EXD2: variants seen among roughly 807,000 people sequenced by gnomAD.
EXD2 encodes the protein exonuclease 3'-5' domain-containing protein 2.
EXD2 carries 40 observed loss-of-function variants against 62.5 expected under a neutral mutation model. The observed-to-expected ratio is 0.64, with a 90% CI of 0.50 to 0.83. The LOEUF (loss-of-function observed/expected upper bound fraction) is 0.83, where lower values mean the gene tolerates loss of function less well. Among genes scored for constraint, EXD2 ranks in the 40% least tolerant of loss-of-function variants. The probability of loss-of-function intolerance (pLI) is 0.00; values close to 1 mark genes in which losing one functional copy is unlikely to be tolerated. For synonymous variants in EXD2, 239 were observed against 291.9 expected (o/e 0.82, Z 1.85); for missense variants, 671 against 761.8 (o/e 0.88, Z 1.40).
chr14:69,236,237 G>A, intron 7 of EXD2, 85 bp downstream of exon 7: 1 of 1,500,934 alleles, frequency 6.7e-7, no homozygotes, highest in South Asian at 1.1e-5. Context: ...GGAAGAGGGA[G>A]GGATAGAAGA....
chr14:69,204,740 G>A (rs78268426), intron 2 of EXD2, among the ~76,000 whole-genome samples: 1 of 152,034 alleles, frequency 6.6e-6, no homozygotes, highest in Non-Finnish European at 1.5e-5. Flanking sequence ...TAACATCAAG[G>A]CTCGATAAGG....
intron 3 of EXD2, among the ~76,000 whole-genome samples, chr14:69,224,973 CAAAAAA>C (rs935037310): frequency 2.0e-5 from 3 of 151,014 alleles, no homozygotes; most frequent in African/African-American, 2.4e-5. Context: ...GACTCCGTCT[CAAAAAA>C]AAAGAATAAA....
intron 3 of EXD2, among the ~76,000 whole-genome samples, chr14:69,212,146 C>T (rs1392125306): frequency 6.6e-6 from 1 of 152,058 alleles, no homozygotes; most frequent in African/African-American, 2.4e-5. Flanking sequence ...GAGGCCGAGG[C>T]GGGCAGATCA....
At chr14:69,223,123 A>AGTC (rs2043240681) in intron 3 of EXD2, among the ~76,000 whole-genome samples, 1 of 152,200 alleles carries the variant, frequency 6.6e-6, no homozygotes, top group Non-Finnish European at 1.5e-5. Context: ...CATGTCTGTG[A>AGTC]GTCAGCAGAT....
At chr14:69,204,177 C>G (rs1028620318) in intron 2 of EXD2, among the ~76,000 whole-genome samples, 177 bp downstream of exon 2, 1 of 152,096 alleles carries the variant, frequency 6.6e-6, no homozygotes, top group South Asian at 2.1e-4. Flanking sequence ...CTAAAGAGCA[C>G]CAGTTTAAAA....
chr14:69,212,104 G>A (rs980657497), intron 3 of EXD2, among the ~76,000 whole-genome samples: 2 of 152,176 alleles, frequency 1.3e-5, no homozygotes, highest in Non-Finnish European at 2.9e-5. Flanking sequence ...GGCTGGGCGC[G>A]GTAGCCCACG....
In EXD2 at chr14:69,221,911, A is replaced by G. The variant is rs2043196979; in HGVS notation, c.334-6905A>G. On this transcript the variant is annotated intron_variant, in intron 3 of 9. Coordinates refer to ENST00000685843, the MANE Select transcript of EXD2 (RefSeq NM_001193360.2). Reference sequence around the variant, plus strand: ...ACATGGTGAAACCCTGTCTCTACTAAAAAAAAAAAAAAAAAAAAAAAAAAA... The same window carrying G: ...ACATGGTGAAACCCTGTCTCTACTAGAAAAAAAAAAAAAAAAAAAAAAAAA... 3.5e-5 allele frequency among the ~76,000 whole-genome samples: 3 copies of G among 84,576 alleles called. No individual in the cohort carries two copies. In the South Asian group the frequency reaches 1.0e-3, roughly 28 times the overall value. 55.5% of individuals were successfully genotyped at this position (84,576 alleles called of 152,430 possible).
Position 69,209,823 on chromosome 14 carries a change from T to TAA in EXD2, c.333+20_333+21insAA. The TAA allele has an allele frequency of 7.8e-7, 1 of 1,276,346 alleles. No individual in the cohort carries two copies. The allele number at this position is 1,276,346 out of a possible 1,614,324, so 79.1% of individuals were successfully genotyped here. On this transcript the variant is annotated intron_variant, in intron 3 of 9. Coordinates refer to ENST00000685843, the MANE Select transcript of EXD2 (RefSeq NM_001193360.2). The stretch of plus-strand genomic sequence containing the variant: ...GAGTGGGTAAGTTAAAAAGCAAAAG[T>TAA]TAAAAAAAAAAAAAAAAAACAACTT...
rs554846655 is a variant in EXD2 at position 69,193,259 on chromosome 14, G to A, written c.-132+1668G>A. On this transcript the variant is annotated intron_variant, in intron 1 of 9. Coordinates refer to ENST00000685843, the MANE Select transcript of EXD2 (RefSeq NM_001193360.2). ...TTTTTAGTAGAGACGGGGTTTCACC[G>A]TATTTGCCAGGCTGGTCTCAAACTC... Among the ~76,000 whole-genome samples, 213 of 152,110 alleles carry A rather than the reference G, an allele frequency of 1.4e-3. 5 individuals carry two copies. The South Asian group carries it at 0.028, about 20-fold the overall frequency.
At chr14:69,233,101 TCCAGTCATC>T (rs1186508038) in intron 5 of EXD2, among the ~76,000 whole-genome samples, 1 of 152,234 alleles carries the variant, frequency 6.6e-6, no homozygotes, top group African/African-American at 2.4e-5. Context: ...CATGTGGACC[TCCAGTCATC>T]CTAGTACCAT....
Position 69,241,089 on chromosome 14 carries a change from C to T in EXD2, c.1855C>T (p.Gln619Ter). ...LRKFGEDLPI[Q>*]LS ...GAAATTCGGGGAAGATCTTCCCATC[C>T]AGCTGTCTTGATAGCTGCTTTCCTC... The change falls in exon 10 of 10, where the codon CAG becomes TAG. Residue 619 changes from glutamine (Q) to a stop codon, truncating the protein, a stop_gained. Transcript: ENST00000685843. LOFTEE classifies it high-confidence loss of function. 6.2e-7 allele frequency: 1 copy of T among 1,612,256 alleles called. No homozygotes were observed. The highest frequency in any genetic ancestry group is 2.2e-5 in the East Asian group (1 of 44,884).
intron 2 of EXD2, 52 bp from the exon 3 acceptor site, chr14:69,209,372 T>C (rs1170049310): frequency 3.0e-6 from 3 of 993,054 alleles, no homozygotes; most frequent in Non-Finnish European, 4.1e-6. Flanking sequence ...AACTTGTTTA[T>C]GTAAAGGTTT....
chr14:69,194,194 A>C (rs1021207081), intron 1 of EXD2, among the ~76,000 whole-genome samples: 1 of 148,706 alleles, frequency 6.7e-6, no homozygotes, highest in Non-Finnish European at 1.5e-5. Context: ...GCTGGAGTGC[A>C]GTGGCGCGAT....
At chr14:69,212,325 C>T (rs1221141932) in intron 3 of EXD2, among the ~76,000 whole-genome samples, 3 of 151,936 alleles carry the variant, frequency 2.0e-5, no homozygotes, top group Admixed American at 6.6e-5. Flanking sequence ...TGCAGTGAGC[C>T]GAGATCACGC....
Position 69,209,493 on chromosome 14 carries a change from C to T in EXD2, c.23C>T (p.Ala8Val), listed in dbSNP as rs1379339947. The T allele has an allele frequency of 2.6e-6, 4 of 1,543,524 alleles. No homozygotes were observed. ...AAGATGTCTAGACAGAACTTAGTGGCTTTGACAGTGACTACCCTTCTGGGT... is the reference window on the plus strand; with the variant it reads ...AAGATGTCTAGACAGAACTTAGTGGTTTTGACAGTGACTACCCTTCTGGGT... MSRQNLV[A>V]LTVTTLLGVA... Residue 8 changes from alanine (A) to valine (V), a missense_variant, in exon 3 of 10, where the codon GCT becomes GTT. Transcript: ENST00000685843.
At chr14:69,221,063 C>T (rs1261351708) in intron 3 of EXD2, among the ~76,000 whole-genome samples, 2 of 152,038 alleles carry the variant, frequency 1.3e-5, no homozygotes, top group African/African-American at 4.8e-5. Flanking sequence ...AGATGGGAGT[C>T]TTGCCATGTT....
chr14:69,222,389 A>C (rs896321659), intron 3 of EXD2, among the ~76,000 whole-genome samples: 2 of 152,114 alleles, frequency 1.3e-5, no homozygotes, highest in African/African-American at 4.8e-5. Context: ...TTCTTCAACC[A>C]ACTTTAATCT....
intron 3 of EXD2, among the ~76,000 whole-genome samples, chr14:69,221,949 G>A (rs968031173): frequency 2.0e-4 from 29 of 147,506 alleles, no homozygotes; most frequent in African/African-American, 6.7e-4. Flanking sequence ...TTAGCCAGGC[G>A]TGGTGGTGCG....
At chr14:69,234,431 A>G (rs984930741) in intron 5 of EXD2, among the ~76,000 whole-genome samples, 7 of 152,324 alleles carry the variant, frequency 4.6e-5, no homozygotes, top group Non-Finnish European at 1.0e-4. Context: ...TATATAGGTG[A>G]GGATTTTCCA....
Sources: allele counts gnomAD v4.1 joint callset (sites outside exome capture counted in the v4.1 genomes callset), GRCh38; gene constraint gnomAD v4.1.1; transcripts MANE v1.5; gene names NCBI Gene and HGNC (gene_info 2026-07-23, HGNC 2026-07-21).